COLEC11: variants seen among roughly 807,000 people sequenced by gnomAD.
COLEC11 encodes the protein collectin-11.
COLEC11 carries 20 observed loss-of-function variants against 27.3 expected under a neutral mutation model. The ratio of observed to expected loss-of-function variants is 0.73; its 90% CI spans 0.51 to 1.06. The LOEUF (loss-of-function observed/expected upper bound fraction) is 1.06, where lower values mean the gene tolerates loss of function less well. Among genes scored for constraint, COLEC11 ranks in the 50% least tolerant of loss-of-function variants. COLEC11 has a pLI of 0.00. For synonymous variants in COLEC11, 163 were observed against 154.7 expected, an observed-to-expected ratio of 1.05 and a Z score of -0.40; for missense variants, 310 against 383.0, an observed-to-expected ratio of 0.81 and a Z score of 1.59.
chr2:3,626,693 C>T (rs1336748122), intron 3 of COLEC11, among the ~76,000 whole-genome samples: 8 of 152,226 alleles, frequency 5.3e-5, no homozygotes, highest in Non-Finnish European at 1.0e-4. Flanking sequence ...TGTAAGTGCT[C>T]TGTTCTGGAT....
At chr2:3,624,340 G>A (rs746385366) in intron 3 of COLEC11, among the ~76,000 whole-genome samples, 3 of 152,056 alleles carry the variant, frequency 2.0e-5, no homozygotes, top group South Asian at 4.1e-4. Context: ...CAGGAAAGGC[G>A]TCTCCATCAG....
chr2:3,643,411 A>G (rs1430632694), intron 5 of COLEC11, 33 bp from the exon 6 acceptor site: 2 of 1,558,208 alleles, frequency 1.3e-6, no homozygotes, highest in South Asian at 1.1e-5. Flanking sequence ...GTCCTCATCC[A>G]GCGTTTGTAA....
Position 3,644,470 on chromosome 2 carries a change from G to C in COLEC11, c.*352G>C. The C allele has an allele frequency of 2.0e-6, 1 of 504,646 alleles. No homozygotes were observed. The highest frequency in any genetic ancestry group is 3.8e-6 in the Non-Finnish European group (1 of 260,920). 31.3% of individuals were successfully genotyped at this position (504,646 alleles called of 1,614,324 possible). A position where few individuals can be genotyped will look rare whatever the true frequency, so the allele number is the denominator to read the frequency against. ...TAGTTAAGTCCAAATAGTGGCAATGGGGTCTTGAATTACTACCTTTTAATT... is the reference window on the plus strand; with the variant it reads ...TAGTTAAGTCCAAATAGTGGCAATGCGGTCTTGAATTACTACCTTTTAATT... On this transcript the variant is annotated 3_prime_UTR_variant, in exon 7 of 7. Transcript: ENST00000349077.
intron 3 of COLEC11, among the ~76,000 whole-genome samples, chr2:3,625,613 T>G (rs1368013141): frequency 1.5e-5 from 2 of 133,306 alleles, no homozygotes; most frequent in Non-Finnish European, 3.1e-5. Flanking sequence ...AAGTTTCTTT[T>G]CTTCTTTTTT....
At chr2:3,608,602 G>A (rs2147868910) in intron 2 of COLEC11, among the ~76,000 whole-genome samples, 1 of 152,276 alleles carries the variant, frequency 6.6e-6, no homozygotes, top group Admixed American at 6.5e-5. Flanking sequence ...GTGGGAGGAT[G>A]ACTTGAGCCC....
At chr2:3,616,444 G>A (rs550083231) in intron 3 of COLEC11, among the ~76,000 whole-genome samples, 9 of 152,010 alleles carry the variant, frequency 5.9e-5, no homozygotes, top group African/African-American at 1.5e-4. Flanking sequence ...CCGAGATCAC[G>A]CCACTGCACT....
chr2:3,613,448 G>T (rs953831633), intron 3 of COLEC11, 66 bp downstream of exon 3: 1 of 1,501,652 alleles, frequency 6.7e-7, no homozygotes, highest in South Asian at 1.2e-5. Flanking sequence ...GCTAGAGCCG[G>T]GTGGGGAGGT....
At chr2:3,603,450 G>A (rs904313559) in intron 1 of COLEC11, 16 of 570,090 alleles carry the variant, frequency 2.8e-5, no homozygotes, top group Non-Finnish European at 5.1e-5. Context: ...CCAAGTAGCT[G>A]GGATTAGAGG....
intron 3 of COLEC11, among the ~76,000 whole-genome samples, chr2:3,622,200 C>T (rs1199284109): frequency 6.6e-6 from 1 of 150,468 alleles, no homozygotes; most frequent in East Asian, 1.9e-4. Context: ...AATATATTAG[C>T]TGGGTGGTAT....
intron 2 of COLEC11, among the ~76,000 whole-genome samples, chr2:3,611,248 G>A (rs1663167151): frequency 6.6e-6 from 1 of 152,184 alleles, no homozygotes; most frequent in Admixed American, 6.5e-5. Flanking sequence ...TGTGAACAAT[G>A]CTTCCTCCTC....
intron 2 of COLEC11, among the ~76,000 whole-genome samples, chr2:3,611,705 C>T (rs114588601): frequency 4.6e-5 from 7 of 152,208 alleles, no homozygotes; most frequent in African/African-American, 9.6e-5. Flanking sequence ...GGCTGTGGCA[C>T]GGGGGTGATG....
chr2:3,618,336 A>G lies in COLEC11; in HGVS notation c.202+4954A>G, dbSNP rs574097972. ...GGAGTTCTGTGATTTCAGGTATTACATTTAAGTCTTCTATTTTGAGCTGAT... is the reference window on the plus strand; with the variant it reads ...GGAGTTCTGTGATTTCAGGTATTACGTTTAAGTCTTCTATTTTGAGCTGAT... On this transcript the variant is annotated intron_variant, in intron 3 of 6. Transcript: ENST00000349077. Among the ~76,000 whole-genome samples the G allele has an allele frequency of 3.0e-4, 45 of 152,330 alleles. 2 individuals carry two copies. Among genetic ancestry groups the G allele is most frequent in the Admixed American group, 2.6e-3 (40 of 15,300 alleles).
intron 2 of COLEC11, among the ~76,000 whole-genome samples, chr2:3,611,082 G>A (rs183519971): frequency 6.6e-5 from 10 of 152,266 alleles, no homozygotes; most frequent in African/African-American, 1.2e-4. Context: ...CTGGGAAATC[G>A]CAGCTACTAA....
In COLEC11 at chr2:3,602,789, C is replaced by G. The variant is rs1384302913; in HGVS notation, c.-26-1526C>G. Among the ~76,000 whole-genome samples, 2 of 152,212 alleles carry G rather than the reference C, an allele frequency of 1.3e-5. No homozygotes were observed. Among genetic ancestry groups the G allele is most frequent in the Non-Finnish European group, 2.9e-5 (2 of 68,042 alleles). ...CCGCACTGTCCGGCATGCACTGCCT[C>G]AAGGCTTTCTCTGAGCCGCCCTCAC... On this transcript the variant is annotated intron_variant, in intron 1 of 6. Coordinates refer to ENST00000349077, the MANE Select transcript of COLEC11 (RefSeq NM_024027.5). This position sits in a 1 kb window ranked among gnomAD's most constrained non-coding sequence, Gnocchi z 6.2.
At chr2:3,637,837 C>T (rs1389269580) in intron 4 of COLEC11, among the ~76,000 whole-genome samples, 1 of 152,230 alleles carries the variant, frequency 6.6e-6, no homozygotes, top group African/African-American at 2.4e-5. Flanking sequence ...AGGATTTTCA[C>T]AGCGCCCCAG....
intron 3 of COLEC11, among the ~76,000 whole-genome samples, chr2:3,630,227 C>T (rs1018276274): frequency 7.9e-5 from 12 of 152,122 alleles, no homozygotes; most frequent in Non-Finnish European, 1.6e-4. Flanking sequence ...TATGTGTATG[C>T]ATATCAGGGT....
intron 1 of COLEC11, among the ~76,000 whole-genome samples, chr2:3,601,351 G>T (rs1172512623): frequency 6.6e-6 from 1 of 152,080 alleles, no homozygotes; most frequent in Non-Finnish European, 1.5e-5. Context: ...GCCCGGGTTG[G>T]AGTGCAGTGG....
intron 1 of COLEC11, among the ~76,000 whole-genome samples, chr2:3,600,700 G>A (rs1272240825): frequency 6.6e-6 from 1 of 152,230 alleles, no homozygotes; most frequent in East Asian, 1.9e-4. Context: ...CGGTGAGGCA[G>A]GTGCACTCAC....
At chr2:3,639,742 G>T in intron 4 of COLEC11, among the ~76,000 whole-genome samples, 1 of 147,030 alleles carries the variant, frequency 6.8e-6, no homozygotes, top group East Asian at 1.9e-4. Flanking sequence ...CTGGAGGTTG[G>T]GTCCAGGCCA....
Sources: gnomAD v4.1 joint callset for allele counts (sites outside exome capture counted in the v4.1 genomes callset) on GRCh38, gnomAD v4.1.1 for gene constraint, Gnocchi (gnomAD v3.1) non-coding constraint, MANE v1.5 for transcripts, NCBI Gene and HGNC (gene_info 2026-07-23, HGNC 2026-07-21) for gene names.